TLE5: variants seen among roughly 807,000 people sequenced by gnomAD.
TLE5 encodes the protein TLE family member 5.
In TLE5, 7 loss-of-function variants were observed where a neutral mutation model predicts 25.8. The observed-to-expected ratio is 0.27, with a 90% CI of 0.15 to 0.51. The LOEUF is 0.51. Ranked by LOEUF, TLE5 falls within the 20% of genes least tolerant of loss-of-function variation. The pLI is 0.97. For synonymous variants in TLE5, 132 were observed against 110.5 expected (o/e 1.20, Z -1.22); for missense variants, 149 against 250.7 (o/e 0.59, Z 2.74).
At chr19:3,058,301 G>A (rs1039723469) in intron 2 of TLE5, among the ~76,000 whole-genome samples, 4 of 152,242 alleles carry the variant, frequency 2.6e-5, no homozygotes, top group African/African-American at 4.8e-5. Context: ...GACGAGGCCC[G>A]CAACGTCATT....
At position 3,062,391 on chromosome 19, in the gene TLE5, G is replaced by A. The variant is rs2145269486; in HGVS notation, c.-191C>T. ...CGCGCCCGGCCCCGGCGCGCCCCGG[G>A]CCCCGCTTCCTGCGCGCCCGGCGCC... On this transcript the variant is annotated 5_prime_UTR_variant, in exon 1 of 7. Transcript: ENST00000327141. 1.1e-6 allele frequency: 1 copy of A among 934,250 alleles called. No individual in the cohort carries two copies. The allele number at this position is 934,250 out of a possible 1,614,324, so 57.9% of individuals were successfully genotyped here.
At chr19:3,059,717 G>A (rs2090248908) in intron 2 of TLE5, among the ~76,000 whole-genome samples, 1 of 152,150 alleles carries the variant, frequency 6.6e-6, no homozygotes, top group South Asian at 2.1e-4. Flanking sequence ...AGCTCAGAGA[G>A]GGCTTCCGGC....
At chr19:3,062,795 G>T (rs1255042784), upstream of TLE5, 1 of 1,550,252 alleles carries the variant, frequency 6.5e-7, no homozygotes, top group Non-Finnish European at 8.7e-7. Context: ...GCACGACCTG[G>T]ACGCGTGCCA....
intron 1 of TLE5, 86 bp downstream of exon 1, chr19:3,062,088 T>TG (rs1471991437): frequency 1.2e-5 from 5 of 431,312 alleles, no homozygotes; most frequent in Non-Finnish European, 1.3e-5. Context: ...GCCTGGGGGT[T>TG]GGGGGGCGCG....
At chr19:3,057,990 G>A (rs2090234773) in intron 2 of TLE5, among the ~76,000 whole-genome samples, 1 of 152,070 alleles carries the variant, frequency 6.6e-6, no homozygotes, top group African/African-American at 2.4e-5. Flanking sequence ...AAAGTGCTTG[G>A]GGTTACAGAT....
chr19:3,056,350 C>G lies in TLE5; in HGVS notation c.196G>C (p.Glu66Gln). Residue 66 changes from glutamate (E) to glutamine (Q), a missense_variant, in exon 4 of 7, where the codon GAG becomes CAG. By Grantham distance (29) the Glu-to-Gln change is conservative (BLOSUM62 2). Coordinates refer to ENST00000327141, the MANE Select transcript of TLE5 (RefSeq NM_001130.6). ...EMQRHYVMYYEMSYGLNIEMH... is the reference protein window; with the variant it reads ...EMQRHYVMYYQMSYGLNIEMH... ...TCGATGTTCAAGCCGTAGGACATCT[C>G]GTAGTACTGTATGGGGGAGAGAGAG... 6.7e-7 allele frequency: 1 copy of G among 1,497,832 alleles called. No homozygotes were observed. The highest frequency in any genetic ancestry group is 8.9e-7 in the Non-Finnish European group (1 of 1,121,640). 92.8% of individuals were successfully genotyped at this position (1,497,832 alleles called of 1,614,324 possible).
In TLE5 at chr19:3,061,438, G is replaced by A. The variant is rs575187893; in HGVS notation, c.28-181C>T. 2,478 of 434,110 alleles carry A rather than the reference G, an allele frequency of 5.7e-3. 20 individuals are homozygous for A. The highest frequency in any genetic ancestry group is 7.2e-3 in the Non-Finnish European group (1,759 of 243,330). The allele number at this position is 434,110 out of a possible 1,614,324, so 26.9% of individuals were successfully genotyped here. On this transcript the variant is annotated intron_variant, in intron 1 of 6. Coordinates refer to ENST00000327141, the MANE Select transcript of TLE5 (RefSeq NM_001130.6). ...TTCCTGCCCCCCGCCTCTCCCGGGGGAAGCCGAGCGGGTGGGTGCGCCCGG... is the reference window on the plus strand; with the variant it reads ...TTCCTGCCCCCCGCCTCTCCCGGGGAAAGCCGAGCGGGTGGGTGCGCCCGG...
intron 6 of TLE5, 34 bp downstream of exon 6, chr19:3,054,086 T>TCGGGGGGGCCCCCCCCCC: frequency 6.6e-7 from 1 of 1,512,812 alleles, no homozygotes; most frequent in Non-Finnish European, 8.9e-7. Context: ...GGCCCACCTG[T>TCGGGGGGGCCCCCCCCCC]CCCCCGCCCA....
At position 3,053,891 on chromosome 19, in the gene TLE5, G is replaced by A. The variant is rs774906629; in HGVS notation, c.522C>T (p.His174=). ...LSLSALGSQA[H]LSKEDKNGHD... ...GCCCGTTCTTGTCTTCCTTGGAGAG[G>A]TGGGCCTGGGAACCCAGCGCGGACA... Residue 174 remains histidine (H), a synonymous_variant, in exon 7 of 7, where the codon CAC becomes CAT. Transcript: ENST00000327141. 2 of 1,613,278 alleles carry A rather than the reference G, an allele frequency of 1.2e-6. No individual in the cohort carries two copies. Among genetic ancestry groups the A allele is most frequent in the Non-Finnish European group, 1.7e-6 (2 of 1,179,994 alleles).
intron 3 of TLE5, 189 bp from the exon 4 acceptor site, chr19:3,056,545 C>T (rs1046659610): frequency 2.1e-5 from 13 of 620,614 alleles, no homozygotes; most frequent in African/African-American, 1.3e-4. Context: ...CACCCAGCAT[C>T]CCAGCCCGCC....
At chr19:3,054,467 T>A (rs1162306818) in intron 5 of TLE5, 1 of 561,524 alleles carries the variant, frequency 1.8e-6, no homozygotes, top group African/African-American at 1.9e-5. Flanking sequence ...GGAAACAGCT[T>A]TTGAGTGAGC....
chr19:3,055,856 G>T, intron 4 of TLE5, 130 bp from the exon 5 acceptor site: 1 of 1,033,090 alleles, frequency 9.7e-7, no homozygotes, highest in Non-Finnish European at 1.4e-6. Context: ...GGTCTGGCCA[G>T]GGTGGGATGA....
intron 6 of TLE5, 33 bp downstream of exon 6, chr19:3,054,087 C>CCGGGG: frequency 6.8e-7 from 1 of 1,476,462 alleles, no homozygotes; most frequent in Non-Finnish European, 9.2e-7. Flanking sequence ...GCCCACCTGT[C>CCGGGG]CCCCGCCCAC....
In TLE5 at chr19:3,062,162, G is replaced by A; in HGVS notation, c.27+12C>T. ...CCGGGGTGGGGGCGCCGGCCGGACG[G>A]GCCCCGCTTACCGAATGCCTGCTTT... On this transcript the variant is annotated intron_variant, in intron 1 of 6. Transcript: ENST00000327141. 8.6e-7 allele frequency: 1 copy of A among 1,163,514 alleles called. No individual in the cohort carries two copies. The highest frequency in any genetic ancestry group is 1.1e-6 in the Non-Finnish European group (1 of 941,884). The allele number at this position is 1,163,514 out of a possible 1,614,324, so 72.1% of individuals were successfully genotyped here.
chr19:3,061,734 G>T (rs1273817237), intron 1 of TLE5, among the ~76,000 whole-genome samples: 4 of 150,864 alleles, frequency 2.7e-5, no homozygotes, highest in Admixed American at 2.0e-4. Context: ...CCCTTCCTCG[G>T]GGACACGCTC....
intron 2 of TLE5, among the ~76,000 whole-genome samples, 168 bp from the exon 3 acceptor site, chr19:3,057,910 G>A (rs1268438410): frequency 1.3e-5 from 2 of 152,024 alleles, no homozygotes; most frequent in Non-Finnish European, 2.9e-5. Context: ...TGAGACGGGG[G>A]TCTCCCTATG....
chr19:3,061,661 G>C (rs1457568950), intron 1 of TLE5, among the ~76,000 whole-genome samples: 1 of 151,664 alleles, frequency 6.6e-6, no homozygotes, highest in African/African-American at 2.4e-5. Flanking sequence ...GTCCTCTTGG[G>C]GGAGGGGTCT....
intron 3 of TLE5, 27 bp from the exon 4 acceptor site, chr19:3,056,383 G>T: frequency 1.2e-6 from 1 of 801,476 alleles, no homozygotes; most frequent in African/African-American, 2.0e-5. Flanking sequence ...GAGGGGGAGC[G>T]GGAGATGGGG....
upstream of TLE5, chr19:3,062,584 C>T (rs562517554): frequency 5.1e-3 from 4,814 of 940,364 alleles, 19 homozygotes; most frequent in Admixed American, 7.6e-3. Context: ...ACGCGCGCGC[C>T]CGGGGAGGCC....
Sources: allele counts gnomAD v4.1 joint callset (sites outside exome capture counted in the v4.1 genomes callset), GRCh38; gene constraint gnomAD v4.1.1; transcripts MANE v1.5; gene names NCBI Gene and HGNC (gene_info 2026-07-23, HGNC 2026-07-21).